Variants in CHD6 observed in about 807,000 individuals in gnomAD.
CHD6 encodes chromodomain helicase DNA binding protein 6, also known as ATP-dependent chromatin remodeler CHD6.
Under a neutral mutation model 276.9 loss-of-function variants are expected in CHD6, and 50 were observed. The ratio of observed to expected loss-of-function variants is 0.18; its 90% CI spans 0.14 to 0.23. The LOEUF (loss-of-function observed/expected upper bound fraction) is 0.23. Among genes scored for constraint, CHD6 ranks in the 10% least tolerant of loss-of-function variants. CHD6 has a pLI of 1.00. For synonymous variants in CHD6, 1,173 were observed against 1,229.3 expected (o/e 0.95, Z 0.96); for missense variants, 2,564 against 3,365.8 (o/e 0.76, Z 5.89).
intron 34 of CHD6, chr20:41,414,822 C>T: frequency 8.7e-7 from 1 of 1,146,518 alleles, no homozygotes; most frequent in Non-Finnish European, 1.1e-6. Context: ...TCTCCCATAC[C>T]CCAGTCTTGG....
intron 1 of CHD6, among the ~76,000 whole-genome samples, chr20:41,556,502 TG>T (rs1164130037): frequency 1.3e-5 from 2 of 152,040 alleles, no homozygotes; most frequent in African/African-American, 4.8e-5. Context: ...GAAATGAACC[TG>T]ACCCCTAGGG....
Position 41,457,350 on chromosome 20 carries a change from G to A in CHD6, c.2743C>T (p.Arg915Cys). 3 of 1,614,098 alleles carry A rather than the reference G, an allele frequency of 1.9e-6. No homozygotes were observed. The highest frequency in any genetic ancestry group is 2.5e-6 in the Non-Finnish European group (3 of 1,180,000). Reference protein sequence around the residue: ...YRLITRNSYEREMFDKASLKL... With the variant: ...YRLITRNSYECEMFDKASLKL... ...AGGCTGGCCTTGTCAAACATCTCGC[G>A]CTCGTAGGAATTTCGAGTGATGAGG... Residue 915 changes from arginine to cysteine, a missense_variant, in exon 18 of 37, where the codon CGC (arginine) becomes TGC (cysteine). Physicochemically the swap from Arg to Cys is radical, Grantham distance 180. This residue lies in a region of CHD6 where 457 missense variants were observed against 889.0 expected (regional missense o/e 0.51). Coordinates refer to ENST00000373233, the MANE Select transcript of CHD6 (RefSeq NM_032221.5).
chr20:41,581,774 C>A (rs150304228), intron 1 of CHD6, among the ~76,000 whole-genome samples: 2 of 152,222 alleles, frequency 1.3e-5, no homozygotes, highest in African/African-American at 4.8e-5. Context: ...CCATTAGTCA[C>A]ATTAAATCCT....
In CHD6 at chr20:41,514,969, A is replaced by C; in HGVS notation, c.555-17T>G. On this transcript the variant is annotated splice_polypyrimidine_tract_variant and intron_variant, in intron 3 of 36. Coordinates refer to ENST00000373233, the MANE Select transcript of CHD6 (RefSeq NM_032221.5). ...TGCTCCTTGCTACAAGGAGAAATTC[A>C]GAATTAAAACTGTTGGGCAGTTTTT... The C allele has an allele frequency of 1.2e-6, 2 of 1,613,256 alleles. No individual in the cohort carries two copies. Among genetic ancestry groups the C allele is most frequent in the Non-Finnish European group, 1.7e-6 (2 of 1,179,550 alleles).
chr20:41,457,938 T>TCA (rs2048426381), intron 17 of CHD6, among the ~76,000 whole-genome samples: 1 of 152,244 alleles, frequency 6.6e-6, no homozygotes, highest in African/African-American at 2.4e-5. Context: ...ATCCTAAGCA[T>TCA]CATACTGTTT....
chr20:41,602,900 C>T (rs1478821477), intron 1 of CHD6, among the ~76,000 whole-genome samples: 5 of 152,050 alleles, frequency 3.3e-5, no homozygotes, highest in Non-Finnish European at 7.4e-5. Context: ...CCAGGCTGGT[C>T]TCGAACTCCT....
At chr20:41,414,960 C>A in intron 34 of CHD6, 1 of 1,386,442 alleles carries the variant, frequency 7.2e-7, no homozygotes, top group Non-Finnish European at 9.3e-7. Flanking sequence ...AATGGCAAGA[C>A]CTCCTGGCTC....
chr20:41,429,300 T>C (rs1423961144), intron 27 of CHD6, among the ~76,000 whole-genome samples: 1 of 152,226 alleles, frequency 6.6e-6, no homozygotes, highest in Admixed American at 6.5e-5. Flanking sequence ...AAATATACTT[T>C]CAGACTAACT....
chr20:41,533,136 C>T lies in CHD6; in HGVS notation c.468G>A (p.Lys156=), dbSNP rs1363226152. The change falls in exon 3 of 37, where the codon AAG becomes AAA. Residue 156 remains lysine (K), a synonymous_variant. Coordinates refer to ENST00000373233, the MANE Select transcript of CHD6 (RefSeq NM_032221.5). ...KQKDGAKKAR[K]PREASGTKEA... ...CCTTGGTGCCCGAGGCCTCCCGGGG[C>T]TTCCGTGCCTTCTTTGCCCCATCTT... is the stretch of plus-strand genomic sequence containing the variant. 2.5e-6 allele frequency: 4 copies of T among 1,614,230 alleles called. No individual in the cohort carries two copies. Among genetic ancestry groups the T allele is most frequent in the Non-Finnish European group, 2.5e-6 (3 of 1,180,038 alleles).
chr20:41,610,760 A>AAAAT (rs5841413), intron 1 of CHD6, among the ~76,000 whole-genome samples: 15,375 of 147,212 alleles, frequency 0.1, 1,644 homozygotes, highest in African/African-American at 0.28. Context: ...TCCGTCTCAA[A>AAAAT]AAATAAATAA....
chr20:41,421,343 T>C lies in CHD6; in HGVS notation c.5292A>G (p.Leu1764=). Reference sequence around the variant, plus strand: ...TTGCTTGAGCTACTCCTCCTGCTTCTAAGCTACCCATAAAAGTAGGGCCAG... The same window carrying C: ...TTGCTTGAGCTACTCCTCCTGCTTCCAAGCTACCCATAAAAGTAGGGCCAG... ...IASGPTFMGS[L]EAGGVAQANI... The change falls in exon 31 of 37, where the codon TTA becomes TTG. Residue 1764 remains leucine (L), a synonymous_variant. Coordinates refer to ENST00000373233, the MANE Select transcript of CHD6 (RefSeq NM_032221.5). 6.2e-7 allele frequency: 1 copy of C among 1,614,088 alleles called. No individual in the cohort carries two copies. Among genetic ancestry groups the C allele is most frequent in the Non-Finnish European group, 8.5e-7 (1 of 1,179,984 alleles).
At position 41,437,340 on chromosome 20, in the gene CHD6, TA is replaced by T. The variant is rs767773058; in HGVS notation, c.4008-7del. ...CTTCTTTATCTGTGTTGCCTCTAAATAAAAGTAAAAAAAGGCATCACATACT... is the reference window on the plus strand; with the variant it reads ...CTTCTTTATCTGTGTTGCCTCTAAATAAAGTAAAAAAAGGCATCACATACT... On this transcript the variant is annotated splice_region_variant and splice_polypyrimidine_tract_variant and intron_variant, in intron 26 of 36. Coordinates refer to ENST00000373233, the MANE Select transcript of CHD6 (RefSeq NM_032221.5). 1.2e-6 allele frequency: 2 copies of T among 1,608,598 alleles called. No homozygotes were observed. The highest frequency in any genetic ancestry group is 1.3e-5 in the African/African-American group (1 of 74,544).
intron 3 of CHD6, among the ~76,000 whole-genome samples, chr20:41,527,192 C>T (rs751437315): frequency 6.6e-6 from 1 of 152,162 alleles, no homozygotes; most frequent in Non-Finnish European, 1.5e-5. Context: ...AATCCCAGCA[C>T]TTTAAGAGGC....
At chr20:41,542,708 G>C (rs2044968414) in intron 2 of CHD6, among the ~76,000 whole-genome samples, 1 of 151,140 alleles carries the variant, frequency 6.6e-6, no homozygotes, top group East Asian at 2.0e-4. Context: ...AAAAGAAAAA[G>C]AAAGACTGTA....
rs565139168 is a variant in CHD6, at chr20:41,475,861, G to C, written c.2469-2344C>G. 1.4e-3 allele frequency among the ~76,000 whole-genome samples: 208 copies of C among 152,258 alleles called. 3 individuals carry two copies. Among genetic ancestry groups the C allele is most frequent in the Non-Finnish European group, 9.4e-4 (64 of 68,026 alleles). ...TGATACAGCTCAGCCATCACCTAGG[G>C]AAACCGTTCCCATAAAATTAGATAA... is the stretch of plus-strand genomic sequence containing the variant. On this transcript the variant is annotated intron_variant, in intron 16 of 36. Transcript: ENST00000373233.
intron 17 of CHD6, among the ~76,000 whole-genome samples, chr20:41,461,334 G>A (rs1016536626): frequency 6.6e-6 from 1 of 152,124 alleles, no homozygotes; most frequent in Non-Finnish European, 1.5e-5. Context: ...GAGGGGCCAG[G>A]GGCAGAGTGA....
chr20:41,592,267 A>T (rs116652098), intron 1 of CHD6, among the ~76,000 whole-genome samples: 649 of 152,238 alleles, frequency 4.3e-3, no homozygotes, highest in African/African-American at 0.011. Context: ...TCTTTTTTTT[A>T]AAAAAAGGAC....
In CHD6 at chr20:41,533,231, T is replaced by G. The variant is rs41283260; in HGVS notation, c.373A>C (p.Lys125Gln). 5.0e-6 allele frequency: 8 copies of G among 1,613,656 alleles called. No homozygotes were observed. The highest frequency in any genetic ancestry group is 5.1e-6 in the Non-Finnish European group (6 of 1,179,980). ...EPKPKRKREP[K>Q]EPKEPRKAKE... is the part of the protein sequence containing the mutation. ...GCCTTTCTGGGTTCCTTTGGCTCTT[T>G]CGGTTCTCGTTTCCTCTTTGGCTTG... The change falls in exon 3 of 37, where the codon AAA becomes CAA. Residue 125 changes from lysine (K) to glutamine (Q), a missense_variant. Transcript: ENST00000373233.
rs553645131 is a variant in CHD6, at chr20:41,608,093, CA to C, written c.-24+10246del. On this transcript the variant is annotated intron_variant, in intron 1 of 36. Coordinates refer to ENST00000373233, the MANE Select transcript of CHD6 (RefSeq NM_032221.5). ...CTCAGTGATTGACAGCTATTATTAT[CA>C]TGATTACTGAGGGATCTGGGGAAAA... 4.6e-5 allele frequency among the ~76,000 whole-genome samples: 7 copies of C among 152,302 alleles called. 1 individual carries two copies. The South Asian group carries it at 1.2e-3, about 27-fold the overall frequency.
Sources: gnomAD v4.1 joint callset for allele counts (sites outside exome capture counted in the v4.1 genomes callset) on GRCh38, gnomAD v4.1.1 for gene constraint, gnomAD v4.1.1 regional missense constraint, MANE v1.5 for transcripts, NCBI Gene and HGNC (gene_info 2026-07-23, HGNC 2026-07-21) for gene names.